Variants in EDRF1 observed in about 807,000 individuals in gnomAD.
The protein encoded by EDRF1 is erythroid differentiation regulatory factor 1, also known as erythroid differentiation-related factor 1.
A neutral mutation model predicts 148.7 loss-of-function variants in EDRF1; 69 were observed. The ratio of observed to expected loss-of-function variants is 0.46; its 90% CI spans 0.38 to 0.57. EDRF1 has a LOEUF of 0.57. Ranked by LOEUF, EDRF1 falls within the 20% of genes least tolerant of loss-of-function variation. The probability of loss-of-function intolerance (pLI) is 0.00; values close to 1 mark genes in which losing one functional copy is unlikely to be tolerated. For missense variants in EDRF1, 1,118 were observed against 1,478.7 expected, an observed-to-expected ratio of 0.76 and a Z score of 4.00; for synonymous variants, 515 against 532.8, an observed-to-expected ratio of 0.97 and a Z score of 0.46.
At chr10:125,721,094 A>G (rs1847974581) in intron 1 of EDRF1, 110 bp from the exon 2 acceptor site, 2 of 1,018,266 alleles carry the variant, frequency 2.0e-6, no homozygotes, top group Non-Finnish European at 1.6e-6. Flanking sequence ...AACATGTGGC[A>G]TACGTTCCTT....
intron 24 of EDRF1, among the ~76,000 whole-genome samples, chr10:125,756,453 TGTTCA>T (rs1849901615): frequency 2.6e-5 from 4 of 152,254 alleles, no homozygotes; most frequent in African/African-American, 9.6e-5. Context: ...AGGTTAAGCG[TGTTCA>T]TAGTATTGTT....
At chr10:125,729,254 G>T (rs1648116244) in intron 7 of EDRF1, 104 bp from the exon 8 acceptor site, 2 of 1,509,570 alleles carry the variant, frequency 1.3e-6, no homozygotes, top group Admixed American at 1.9e-5. Flanking sequence ...TCTGGGGCCT[G>T]ACTTTGTCTT....
intron 6 of EDRF1, among the ~76,000 whole-genome samples, chr10:125,727,215 A>G (rs1474972532): frequency 6.6e-6 from 1 of 152,184 alleles, no homozygotes; most frequent in Non-Finnish European, 1.5e-5. Context: ...TGTACTCCAC[A>G]CACAGCAAGG....
rs746372531 is a variant in EDRF1, at chr10:125,719,831, AGCCGAGGGTCCGCCGGCCGGG to A, written c.29_49del (p.Glu10_Ala16del). 39 of 1,611,790 alleles carry A rather than the reference AGCCGAGGGTCCGCCGGCCGGG, an allele frequency of 2.4e-5. 1 individual carries two copies. The highest frequency in any genetic ancestry group is 1.2e-4 in the South Asian group (11 of 90,954). On this transcript the variant is annotated inframe_deletion, in exon 1 of 25. Coordinates refer to ENST00000356792, the MANE Select transcript of EDRF1 (RefSeq NM_001202438.2). ...TGATGGGGGATGCCAAGGAGGCCGG[AGCCGAGGGTCCGCCGGCCGGG>A]GCCGCCGCTCGAGGAGGGCTCAGCC...
chr10:125,752,443 T>C (rs1406240502), intron 22 of EDRF1, among the ~76,000 whole-genome samples: 1 of 152,240 alleles, frequency 6.6e-6, no homozygotes, highest in Non-Finnish European at 1.5e-5. Context: ...ATAGGACAAC[T>C]GATACTAAGT....
chr10:125,733,369 T>C (rs199521946), intron 9 of EDRF1, 35 bp from the exon 10 acceptor site: 2 of 1,527,414 alleles, frequency 1.3e-6, no homozygotes, highest in African/African-American at 2.8e-5. Flanking sequence ...TTGGGTTTTC[T>C]CTTAAACTGC....
chr10:125,747,160 T>G lies in EDRF1; in HGVS notation c.2815-376T>G, dbSNP rs1849398878. Reference sequence around the variant, plus strand: ...ACAAGGTAGGAGGAGATACTTCTTTTTACGTAAAATTTGGCAAGTTTTTAA... The same window carrying G: ...ACAAGGTAGGAGGAGATACTTCTTTGTACGTAAAATTTGGCAAGTTTTTAA... On this transcript the variant is annotated intron_variant, in intron 19 of 24. Transcript: ENST00000356792. The G allele has an allele frequency of 1.5e-5, 3 of 201,730 alleles. No homozygotes were observed. The South Asian group carries it at 2.6e-4, about 17-fold the overall frequency. The allele number at this position is 201,730 out of a possible 1,614,324, so 12.5% of individuals were successfully genotyped here. A position where few individuals can be genotyped will look rare whatever the true frequency, so the allele number is the denominator to read the frequency against.
chr10:125,719,777 C>T lies in EDRF1; in HGVS notation c.-31C>T, dbSNP rs1300597741. The T allele has an allele frequency of 6.3e-6, 10 of 1,580,714 alleles. No individual in the cohort carries two copies. Among genetic ancestry groups the T allele is most frequent in the African/African-American group, 1.3e-5 (1 of 74,244 alleles). The stretch of plus-strand genomic sequence containing the variant: ...GTTGCTGCTGCTGCTCCTCCGCTCC[C>T]CCGTCGTATCGCCTGCCCTGGATCG... On this transcript the variant is annotated 5_prime_UTR_variant, in exon 1 of 25. Transcript: ENST00000356792.
intron 22 of EDRF1, among the ~76,000 whole-genome samples, chr10:125,751,228 G>T (rs919662851): frequency 4.6e-5 from 7 of 152,146 alleles, no homozygotes; most frequent in African/African-American, 1.7e-4. Flanking sequence ...GAACAAATTT[G>T]CTAAGATGAT....
chr10:125,721,105 G>T lies in EDRF1; in HGVS notation c.109-99G>T, dbSNP rs1847975529. 4.3e-6 allele frequency: 5 copies of T among 1,169,670 alleles called. No homozygotes were observed. In the Admixed American group the frequency reaches 8.6e-5, roughly 20 times the overall value. The allele number at this position is 1,169,670 out of a possible 1,614,324, so 72.5% of individuals were successfully genotyped here. A position where few individuals can be genotyped will look rare whatever the true frequency, so the allele number is the denominator to read the frequency against. On this transcript the variant is annotated intron_variant, in intron 1 of 24. Transcript: ENST00000356792. ...TAGTAACATGTGGCATACGTTCCTT[G>T]TGAAGCCTGGTGTGACAGGTTCTTG...
Position 125,752,897 on chromosome 10 carries a change from A to G in EDRF1, c.3376A>G (p.Ile1126Val), listed in dbSNP as rs1399146425. ...ATTCCAGCTTATCCAGAAGGAGCTT[A>G]TAGAAGAATTTGGCCAGGTACATGG... ...HAFQLIQKEL[I>V]EEFGQPKSGD... Residue 1126 changes from isoleucine (I) to valine (V), a missense_variant, in exon 23 of 25, where the codon ATA (isoleucine) becomes GTA (valine). Transcript: ENST00000356792. The G allele has an allele frequency of 1.2e-6, 2 of 1,613,882 alleles. No homozygotes were observed. Among genetic ancestry groups the G allele is most frequent in the Admixed American group, 1.7e-5 (1 of 60,034 alleles).
intron 2 of EDRF1, 77 bp from the exon 3 acceptor site, chr10:125,722,991 A>G: frequency 8.9e-7 from 1 of 1,119,256 alleles, no homozygotes. Context: ...GCAATGAGCT[A>G]CAGTATTGTT....
chr10:125,720,479 A>G (rs1322454964), intron 1 of EDRF1, among the ~76,000 whole-genome samples: 3 of 152,214 alleles, frequency 2.0e-5, no homozygotes, highest in Non-Finnish European at 2.9e-5. Context: ...CAAATGTTCT[A>G]CCAGACTATT....
intron 24 of EDRF1, among the ~76,000 whole-genome samples, chr10:125,754,859 G>A (rs181857994): frequency 7.8e-4 from 118 of 152,208 alleles, no homozygotes; most frequent in African/African-American, 2.4e-3. Flanking sequence ...ATATTTTACC[G>A]ATGTATAATC....
At chr10:125,724,013 T>A in intron 4 of EDRF1, 77 bp downstream of exon 4, 6 of 1,548,700 alleles carry the variant, frequency 3.9e-6, no homozygotes, top group Non-Finnish European at 5.3e-6. Flanking sequence ...TTTCAGAGAA[T>A]GGCCAAAGTG....
At chr10:125,733,767 TGAA>T (rs1564737112) in intron 11 of EDRF1, 24 bp downstream of exon 11, 1 of 1,575,058 alleles carries the variant, frequency 6.3e-7, no homozygotes, top group African/African-American at 1.3e-5. Flanking sequence ...GAATTTAAGA[TGAA>T]GAAGTAGCCT....
chr10:125,730,820 C>T (rs1012934858), intron 9 of EDRF1, among the ~76,000 whole-genome samples: 1 of 152,138 alleles, frequency 6.6e-6, no homozygotes, highest in Non-Finnish European at 1.5e-5. Flanking sequence ...TGAGCATATT[C>T]TGTTTAGAAG....
At chr10:125,756,647 G>A in intron 24 of EDRF1, 1 of 307,992 alleles carries the variant, frequency 3.2e-6, no homozygotes, top group South Asian at 2.7e-5. Flanking sequence ...GTGATATCTG[G>A]GAGAACTGAC....
chr10:125,721,312 T>C lies in EDRF1; in HGVS notation c.217T>C (p.Leu73=), dbSNP rs575317291. The part of the protein sequence containing the change: ...AFARLEEKTD[L]KLPPANWLRE... ...TGCACGCCTTGAAGAGAAAACAGAC[T>C]TGAAACTCCCACCTGCCAACTGGTT... The change falls in exon 2 of 25, where the codon TTG becomes CTG. Residue 73 remains leucine (L), a synonymous_variant. Coordinates refer to ENST00000356792, the MANE Select transcript of EDRF1 (RefSeq NM_001202438.2). The C allele has an allele frequency of 1.2e-6, 2 of 1,614,204 alleles. No homozygotes were observed. Among genetic ancestry groups the C allele is most frequent in the South Asian group, 2.2e-5 (2 of 91,082 alleles).
Sources: allele counts gnomAD v4.1 joint callset (sites outside exome capture counted in the v4.1 genomes callset), GRCh38; gene constraint gnomAD v4.1.1; transcripts MANE v1.5; gene names NCBI Gene and HGNC (gene_info 2026-07-23, HGNC 2026-07-21).